CAMK1D: variants seen among roughly 807,000 people sequenced by gnomAD.
The protein encoded by CAMK1D is calcium/calmodulin dependent protein kinase ID.
CAMK1D carries 9 observed loss-of-function variants against 47.7 expected under a neutral mutation model. That is an observed-to-expected ratio of 0.19 (90% confidence interval 0.11 to 0.33). CAMK1D has a LOEUF of 0.33. Ranked by LOEUF, CAMK1D falls within the 10% of genes least tolerant of loss-of-function variation. The pLI, the probability that CAMK1D is intolerant of heterozygous loss-of-function variation, is 1.00. For synonymous variants in CAMK1D, 184 were observed against 184.9 expected (o/e 0.99, Z 0.04); for missense variants, 291 against 488.7 (o/e 0.60, Z 3.81).
At chr10:12,817,904 G>T (rs187391317) in intron 8 of CAMK1D, among the ~76,000 whole-genome samples, 25 of 152,248 alleles carry the variant, frequency 1.6e-4, no homozygotes, top group African/African-American at 5.5e-4. Flanking sequence ...GGCCAGGGTG[G>T]TCTCAAACTC....
intron 1 of CAMK1D, among the ~76,000 whole-genome samples, chr10:12,427,361 C>T (rs975020162): frequency 5.3e-5 from 8 of 152,208 alleles, no homozygotes; most frequent in Non-Finnish European, 1.0e-4. Flanking sequence ...AAGTGGGGTG[C>T]GGGGACAGCA....
At chr10:12,609,593 C>G (rs1197454484) in intron 2 of CAMK1D, among the ~76,000 whole-genome samples, 1 of 152,160 alleles carries the variant, frequency 6.6e-6, no homozygotes, top group Non-Finnish European at 1.5e-5. Context: ...ATGCGCAGTT[C>G]ACAATAGGGT....
intron 1 of CAMK1D, among the ~76,000 whole-genome samples, chr10:12,516,964 C>T (rs773251551): frequency 6.6e-6 from 1 of 152,202 alleles, no homozygotes; most frequent in Non-Finnish European, 1.5e-5. Context: ...ATCTGTACAT[C>T]AACTTTGGAA....
intron 4 of CAMK1D, among the ~76,000 whole-genome samples, chr10:12,767,718 C>G (rs1836836515): frequency 6.6e-6 from 1 of 152,140 alleles, no homozygotes; most frequent in African/African-American, 2.4e-5. Flanking sequence ...CAAAGAGTTG[C>G]TTTCTTTTGA....
intron 1 of CAMK1D, among the ~76,000 whole-genome samples, chr10:12,419,989 T>C (rs368579622): frequency 1.3e-5 from 2 of 152,206 alleles, no homozygotes; most frequent in East Asian, 3.9e-4. Flanking sequence ...AGACAGAGTC[T>C]TGCTCTGTCG....
At chr10:12,769,507 G>C (rs1001240800) in intron 4 of CAMK1D, among the ~76,000 whole-genome samples, 166 bp from the exon 5 acceptor site, 11 of 152,196 alleles carry the variant, frequency 7.2e-5, no homozygotes, top group Non-Finnish European at 1.6e-4. Flanking sequence ...TGTGCCGGGC[G>C]CTCTGCACTG....
intron 1 of CAMK1D, among the ~76,000 whole-genome samples, chr10:12,540,521 G>T (rs964748386): frequency 1.3e-5 from 2 of 152,148 alleles, no homozygotes; most frequent in African/African-American, 4.8e-5. Flanking sequence ...ACTTAGTGCC[G>T]CAGAAACACC....
intron 3 of CAMK1D, among the ~76,000 whole-genome samples, chr10:12,733,974 C>T (rs1302309798): frequency 2.6e-5 from 4 of 151,958 alleles, no homozygotes; most frequent in Non-Finnish European, 4.4e-5. Flanking sequence ...GGATGAAGCC[C>T]CCTGTGGTGG....
chr10:12,471,609 G>C (rs932719317), intron 1 of CAMK1D, among the ~76,000 whole-genome samples: 1 of 152,348 alleles, frequency 6.6e-6, no homozygotes, highest in Admixed American at 6.5e-5. Context: ...GGCAGGGCTA[G>C]AATGCCTGCC....
At chr10:12,539,428 G>C (rs1056918266) in intron 1 of CAMK1D, among the ~76,000 whole-genome samples, 5 of 152,188 alleles carry the variant, frequency 3.3e-5, no homozygotes, top group Non-Finnish European at 5.9e-5. Flanking sequence ...AGTGGGAATG[G>C]CCAGATGAGG....
chr10:12,349,729 C>A lies in CAMK1D; in HGVS notation c.-90C>A. On this transcript the variant is annotated 5_prime_UTR_variant, in exon 1 of 11. Transcript: ENST00000619168. ...CTGCGCCGCAGCCCGAGCCGCCCGG[C>A]ATCCCCGCCGCCTCTGCGCCCGCGC... The A allele has an allele frequency of 3.4e-6, 1 of 298,316 alleles. No individual in the cohort carries two copies. Among genetic ancestry groups the A allele is most frequent in the Non-Finnish European group, 5.3e-6 (1 of 188,486 alleles). 18.5% of individuals were successfully genotyped at this position (298,316 alleles called of 1,614,324 possible).
intron 8 of CAMK1D, among the ~76,000 whole-genome samples, chr10:12,823,526 G>T (rs1833089586): frequency 6.6e-6 from 1 of 151,966 alleles, no homozygotes; most frequent in South Asian, 2.1e-4. Flanking sequence ...AGACTGCCAG[G>T]TAATTCTCAG....
chr10:12,503,835 T>C lies in CAMK1D; in HGVS notation c.93-49390T>C, dbSNP rs139219469. 2.2e-3 allele frequency among the ~76,000 whole-genome samples: 339 copies of C among 152,298 alleles called. 1 individual carries two copies. The highest frequency in any genetic ancestry group is 7.9e-3 in the African/African-American group (330 of 41,560). On this transcript the variant is annotated intron_variant, in intron 1 of 10. Transcript: ENST00000619168. ...TATTTTCCCTTGGAGTCCTGCTTTGTGCCAATGTTAAAGTTACAGTGTTAA... is the reference window on the plus strand; with the variant it reads ...TATTTTCCCTTGGAGTCCTGCTTTGCGCCAATGTTAAAGTTACAGTGTTAA...
chr10:12,639,256 C>T (rs891345691), intron 2 of CAMK1D, among the ~76,000 whole-genome samples: 1 of 152,192 alleles, frequency 6.6e-6, no homozygotes, highest in African/African-American at 2.4e-5. Flanking sequence ...GAGGCCAAAG[C>T]GGGTGGATCA....
chr10:12,592,800 G>A (rs1050447383), intron 2 of CAMK1D, among the ~76,000 whole-genome samples: 20 of 152,310 alleles, frequency 1.3e-4, no homozygotes, highest in Middle Eastern at 3.4e-3. Flanking sequence ...CAGAAATCCT[G>A]TAACAGCTAC....
intron 1 of CAMK1D, among the ~76,000 whole-genome samples, chr10:12,368,257 G>T (rs1226803043): frequency 6.6e-6 from 1 of 152,034 alleles, no homozygotes; most frequent in African/African-American, 2.4e-5. Flanking sequence ...GCTCATGCCT[G>T]TACTCCCAGC....
chr10:12,820,091 G>C (rs1357302188), intron 8 of CAMK1D, among the ~76,000 whole-genome samples: 1 of 152,244 alleles, frequency 6.6e-6, no homozygotes, highest in Non-Finnish European at 1.5e-5. Flanking sequence ...CCAGGCTAGA[G>C]TGCGGTGGCG....
intron 1 of CAMK1D, among the ~76,000 whole-genome samples, chr10:12,370,770 G>A (rs1208797249): frequency 2.6e-5 from 4 of 152,040 alleles, no homozygotes; most frequent in Admixed American, 2.6e-4. Flanking sequence ...CACCACGCCC[G>A]GCTAATTTTT....
At chr10:12,723,525 C>G (rs1056041366) in intron 3 of CAMK1D, among the ~76,000 whole-genome samples, 1 of 152,144 alleles carries the variant, frequency 6.6e-6, no homozygotes, top group East Asian at 1.9e-4. Context: ...TTAAGGCATA[C>G]AGGAATTGCA....
Sources: allele counts gnomAD v4.1 joint callset (sites outside exome capture counted in the v4.1 genomes callset), GRCh38; gene constraint gnomAD v4.1.1; transcripts MANE v1.5; gene names NCBI Gene and HGNC (gene_info 2026-07-23, HGNC 2026-07-21).